MYT1L: variants seen among roughly 807,000 people sequenced by gnomAD.
MYT1L encodes the protein myelin transcription factor 1 like.
Under a neutral mutation model 126.7 loss-of-function variants are expected in MYT1L, and 12 were observed. The observed-to-expected ratio is 0.09, with a 90% CI of 0.06 to 0.15. The LOEUF (loss-of-function observed/expected upper bound fraction) is 0.15. MYT1L is among the 10% of genes least tolerant of loss of function. The pLI is 1.00. For synonymous variants in MYT1L, 541 were observed against 604.2 expected (o/e 0.90, Z 1.53); for missense variants, 979 against 1,585.2 (o/e 0.62, Z 6.49).
chr2:1,990,287 C>G (rs10519501), intron 5 of MYT1L, among the ~76,000 whole-genome samples: 2,491 of 152,280 alleles, frequency 0.016, 89 homozygotes, highest in African/African-American at 0.057. Context: ...TCTATTGTAC[C>G]TATTTATAAA....
rs566061195 is a variant in MYT1L, at chr2:1,835,644, T to C, written c.3080+3505A>G. ...GGCCTGGACTGCCCCTTTCCCCTTA[T>C]GCCACTACTCCGGGTTTTCCTTTGC... On this transcript the variant is annotated intron_variant, in intron 21 of 24. Coordinates refer to ENST00000647738, the MANE Select transcript of MYT1L (RefSeq NM_001303052.2). Among the ~76,000 whole-genome samples, 20 of 152,144 alleles carry C rather than the reference T, an allele frequency of 1.3e-4. 1 individual carries two copies. Among genetic ancestry groups the C allele is most frequent in the African/African-American group, 4.6e-4 (19 of 41,436 alleles).
At chr2:2,276,578 C>A (rs180895995) in intron 2 of MYT1L, among the ~76,000 whole-genome samples, 1 of 152,136 alleles carries the variant, frequency 6.6e-6, no homozygotes, top group Admixed American at 6.5e-5. Flanking sequence ...CTTGGTCCTC[C>A]TGACATCTTC....
intron 3 of MYT1L, among the ~76,000 whole-genome samples, chr2:2,109,512 A>G (rs2079126706): frequency 1.3e-5 from 2 of 152,032 alleles, no homozygotes; most frequent in African/African-American, 2.4e-5. Flanking sequence ...ACAAAGAGAA[A>G]GAGGCTGCAG....
chr2:2,313,572 G>C (rs374395657), intron 1 of MYT1L, among the ~76,000 whole-genome samples: 12 of 151,804 alleles, frequency 7.9e-5, no homozygotes, highest in African/African-American at 2.9e-4. Context: ...TCTCTTCAAA[G>C]ACTCAATATA....
rs542568655 is a variant in MYT1L, at chr2:1,910,932, C to T, written c.1710-585G>A. Among the ~76,000 whole-genome samples, 6 of 152,182 alleles carry T rather than the reference C, an allele frequency of 3.9e-5. No individual in the cohort carries two copies. The highest frequency in any genetic ancestry group is 6.5e-5 in the Admixed American group (1 of 15,276). ...CCAAATAGTTCAGGCTTAGTCTAGA[C>T]GGAGGAGACAGCAGCTGGGCTCTTT... On this transcript the variant is annotated intron_variant, in intron 12 of 24. Transcript: ENST00000647738. The surrounding 1 kb of genome is among the most constrained non-coding windows in gnomAD (Gnocchi z 4.8).
chr2:1,984,032 CT>C (rs2060815468), intron 5 of MYT1L, among the ~76,000 whole-genome samples: 9 of 152,238 alleles, frequency 5.9e-5, no homozygotes, highest in Admixed American at 5.9e-4. Context: ...TTTAAGGAAT[CT>C]ATTTTGAGCC....
At position 1,917,636 on chromosome 2, in the gene MYT1L, G is replaced by A. The variant is rs759381943; in HGVS notation, c.1484-297C>T. On this transcript the variant is annotated intron_variant, in intron 10 of 24. Transcript: ENST00000647738. This position sits in a 1 kb window ranked among gnomAD's most constrained non-coding sequence, Gnocchi z 5.9. ...TCCCGTGTGTTACATGATAAGCTGT[G>A]TTGCTCAAAGGAATCAACGTAAATC... Among the ~76,000 whole-genome samples the A allele has an allele frequency of 2.0e-5, 3 of 152,290 alleles. No homozygotes were observed. Among genetic ancestry groups the A allele is most frequent in the Non-Finnish European group, 2.9e-5 (2 of 68,036 alleles).
rs2147919551 is a variant in MYT1L at position 2,123,126 on chromosome 2, A to G, written c.-304+49746T>C. Among the ~76,000 whole-genome samples, 3 of 152,260 alleles carry G rather than the reference A, an allele frequency of 2.0e-5. 1 individual carries two copies. The highest frequency in any genetic ancestry group is 2.0e-4 in the Admixed American group (3 of 15,300). ...TCATCTGACCCATTTCTTTGGGCAC[A>G]GCATCACTGCCGGATGAAACTCTGA... is the stretch of plus-strand genomic sequence containing the variant. On this transcript the variant is annotated intron_variant, in intron 3 of 24. Coordinates refer to ENST00000647738, the MANE Select transcript of MYT1L (RefSeq NM_001303052.2).
intron 18 of MYT1L, among the ~76,000 whole-genome samples, chr2:1,871,625 C>T (rs1189799883): frequency 6.6e-6 from 1 of 152,172 alleles, no homozygotes; most frequent in South Asian, 2.1e-4. Flanking sequence ...GTCCCTGTGC[C>T]CCTCCCCTCA....
intron 4 of MYT1L, among the ~76,000 whole-genome samples, chr2:2,002,569 C>T (rs1280912457): frequency 6.6e-6 from 1 of 152,136 alleles, no homozygotes; most frequent in Non-Finnish European, 1.5e-5. Context: ...TTCGGTGGAC[C>T]AAGCATTATA....
rs529406128 is a variant in MYT1L, at chr2:1,828,966, G to T, written c.3080+10183C>A. Among the ~76,000 whole-genome samples the T allele has an allele frequency of 3.3e-5, 5 of 152,296 alleles. No individual in the cohort carries two copies. In the South Asian group the frequency reaches 1.0e-3, roughly 32 times the overall value. The stretch of plus-strand genomic sequence containing the variant: ...TTGGAGACTCTTCTTAAATTTCACT[G>T]AAGTGGAGTGAGAACTGAAGTGGTG... On this transcript the variant is annotated intron_variant, in intron 21 of 24. Coordinates refer to ENST00000647738, the MANE Select transcript of MYT1L (RefSeq NM_001303052.2).
chr2:1,872,892 G>A (rs1185754395), intron 18 of MYT1L, among the ~76,000 whole-genome samples: 1 of 151,640 alleles, frequency 6.6e-6, no homozygotes. Flanking sequence ...TCTCAGGTAG[G>A]GGCCAGCATG....
intron 1 of MYT1L, among the ~76,000 whole-genome samples, chr2:2,291,892 TTCTCTGGAGCA>T (rs758820470): frequency 1.2e-3 from 181 of 152,360 alleles, no homozygotes; most frequent in Middle Eastern, 3.4e-3. Flanking sequence ...CAGCCTAGCT[TTCTCTGGAGCA>T]TCTCACGAGA....
rs568276624 is a variant in MYT1L at position 1,907,684 on chromosome 2, T to C, written c.1817+2556A>G. Reference sequence around the variant, plus strand: ...TACTTAAGTCTCAGGCTCTTGTTCATTGAACGATTTATTTAAAGACTTTTT... The same window carrying C: ...TACTTAAGTCTCAGGCTCTTGTTCACTGAACGATTTATTTAAAGACTTTTT... On this transcript the variant is annotated intron_variant, in intron 13 of 24. Coordinates refer to ENST00000647738, the MANE Select transcript of MYT1L (RefSeq NM_001303052.2). Among the ~76,000 whole-genome samples the C allele has an allele frequency of 1.2e-4, 19 of 152,378 alleles. No individual in the cohort carries two copies. The East Asian group carries it at 2.1e-3, about 17-fold the overall frequency.
At position 2,072,532 on chromosome 2, in the gene MYT1L, T is replaced by C. The variant is rs115888006; in HGVS notation, c.-303-18409A>G. ...GTCCATTTTGGTTGCTATAACAAAA[T>C]AGCATAACCTTGGTAGCTTACAAAT... is the stretch of plus-strand genomic sequence containing the variant. On this transcript the variant is annotated intron_variant, in intron 3 of 24. Coordinates refer to ENST00000647738, the MANE Select transcript of MYT1L (RefSeq NM_001303052.2). Among the ~76,000 whole-genome samples, 188 of 152,324 alleles carry C rather than the reference T, an allele frequency of 1.2e-3. 2 individuals are homozygous for C. The highest frequency in any genetic ancestry group is 4.4e-3 in the African/African-American group (181 of 41,570).
intron 2 of MYT1L, among the ~76,000 whole-genome samples, chr2:2,190,101 G>C (rs1306320669): frequency 6.6e-6 from 1 of 152,080 alleles, no homozygotes; most frequent in Non-Finnish European, 1.5e-5. Flanking sequence ...TGGCCCTGCT[G>C]TTTTCCCATG....
chr2:2,046,899 G>A (rs999676950), intron 4 of MYT1L, among the ~76,000 whole-genome samples: 1 of 152,150 alleles, frequency 6.6e-6, no homozygotes, highest in Non-Finnish European at 1.5e-5. Context: ...GGGAAAGAAA[G>A]CCATGACTTA....
At chr2:1,908,236 C>T (rs2051375257) in intron 13 of MYT1L, among the ~76,000 whole-genome samples, 1 of 152,238 alleles carries the variant, frequency 6.6e-6, no homozygotes, top group Non-Finnish European at 1.5e-5. Context: ...GCCGGAACAT[C>T]GGAGTGGAGG....
At chr2:1,842,168 G>C (rs188786740) in intron 19 of MYT1L, 1 of 152,294 alleles carries the variant, frequency 6.6e-6, no homozygotes, top group Non-Finnish European at 1.5e-5. Context: ...CTCGGGGATA[G>C]TTTTCTTGGT....
Sources: allele counts gnomAD v4.1 joint callset (sites outside exome capture counted in the v4.1 genomes callset), GRCh38; gene constraint gnomAD v4.1.1; non-coding constraint Gnocchi (gnomAD v3.1); transcripts MANE v1.5; gene names NCBI Gene and HGNC (gene_info 2026-07-23, HGNC 2026-07-21).